Variants in TLE3 observed in about 807,000 individuals in gnomAD.
The protein encoded by TLE3 is TLE family member 3, transcriptional corepressor.
A neutral mutation model predicts 93.0 loss-of-function variants in TLE3; 14 were observed. The observed-to-expected ratio is 0.15, with a 90% confidence interval of 0.10 to 0.24. TLE3 has a LOEUF of 0.24. Among genes scored for constraint, TLE3 ranks in the 10% least tolerant of loss-of-function variants. The pLI, the probability that TLE3 is intolerant of heterozygous loss-of-function variation, is 1.00. For synonymous variants in TLE3, 451 were observed against 425.0 expected, an observed-to-expected ratio of 1.06 and a Z score of -0.75; for missense variants, 693 against 1,046.6, an observed-to-expected ratio of 0.66 and a Z score of 4.66.
At chr15:70,051,321 A>T (rs1328452604) in intron 19 of TLE3, 70 bp downstream of exon 19, 1 of 1,445,678 alleles carries the variant, frequency 6.9e-7, no homozygotes, top group African/African-American at 1.4e-5. Context: ...TGCTATCCTC[A>T]CTCCCATCAC....
At position 70,083,624 on chromosome 15, in the gene TLE3, C is replaced by T. The variant is rs557914063; in HGVS notation, c.235-7466G>A. Among the ~76,000 whole-genome samples the T allele has an allele frequency of 4.8e-3, 681 of 143,318 alleles. 6 individuals are homozygous for T. Among genetic ancestry groups the T allele is most frequent in the African/African-American group, 0.017 (649 of 39,192 alleles). 94.0% of individuals were successfully genotyped at this position (143,318 alleles called of 152,430 possible). On this transcript the variant is annotated intron_variant, in intron 4 of 19. Coordinates refer to ENST00000451782, the MANE Select transcript of TLE3 (RefSeq NM_001105192.3). ...CCAACTCCTGCCAGGAGGAAAAATT[C>T]TCAATTCATCCCTGTGGGGTTGCCA...
rs376672650 is a variant in TLE3 at position 70,074,503 on chromosome 15, G to T, written c.372+30C>A. The T allele has an allele frequency of 1.9e-6, 3 of 1,603,046 alleles. No homozygotes were observed. In the East Asian group the frequency reaches 6.8e-5, roughly 36 times the overall value. On this transcript the variant is annotated intron_variant, in intron 6 of 19. Coordinates refer to ENST00000451782, the MANE Select transcript of TLE3 (RefSeq NM_001105192.3). ...AGAGGAATAAAAGGGCTATACACAC[G>T]GTAAGAGGCAGATTGGGGAGTCCAC... is the stretch of plus-strand genomic sequence containing the variant.
At chr15:70,053,471 A>C (rs1034141055) in intron 16 of TLE3, 97 bp from the exon 17 acceptor site, 2 of 1,411,080 alleles carry the variant, frequency 1.4e-6, no homozygotes, top group Non-Finnish European at 1.9e-6. Flanking sequence ...GAGAAAACTG[A>C]GGCCCAGAAG....
chr15:70,091,265 C>T (rs1364061406), intron 4 of TLE3, among the ~76,000 whole-genome samples: 1 of 152,264 alleles, frequency 6.6e-6, no homozygotes, highest in South Asian at 2.1e-4. Context: ...TGGCTCAAGT[C>T]CACTTTCAAA....
chr15:70,067,287 C>A (rs1215164673), intron 6 of TLE3, among the ~76,000 whole-genome samples: 2 of 152,212 alleles, frequency 1.3e-5, no homozygotes, highest in African/African-American at 4.8e-5. Flanking sequence ...TGCTGGTATC[C>A]ACCTATGCAC....
At chr15:70,054,792 T>C in intron 15 of TLE3, 107 bp from the exon 16 acceptor site, 2 of 1,395,240 alleles carry the variant, frequency 1.4e-6, no homozygotes, top group Admixed American at 2.8e-5. Context: ...GCTTACAGCC[T>C]CCCCCTATAC....
intron 8 of TLE3, among the ~76,000 whole-genome samples, chr15:70,063,748 C>T (rs796687652): frequency 1.9e-4 from 29 of 152,364 alleles, no homozygotes; most frequent in African/African-American, 6.5e-4. Flanking sequence ...TGAAACAGAA[C>T]CTCGGAGCCT....
intron 13 of TLE3, 24 bp from the exon 14 acceptor site, chr15:70,056,398 C>T: frequency 6.2e-7 from 1 of 1,604,880 alleles, no homozygotes; most frequent in Non-Finnish European, 8.5e-7. Context: ...CAAGACAGCC[C>T]TCCATCAGCC....
intron 6 of TLE3, chr15:70,066,749 G>A: frequency 5.8e-6 from 1 of 171,702 alleles, no homozygotes; most frequent in South Asian, 1.0e-4. Context: ...AAAGGCCCCA[G>A]AGCCAGATGA....
At chr15:70,093,814 A>G (rs940092665) in intron 4 of TLE3, among the ~76,000 whole-genome samples, 1 of 152,158 alleles carries the variant, frequency 6.6e-6, no homozygotes, top group African/African-American at 2.4e-5. Flanking sequence ...CACTAGCTAA[A>G]CTGGTTTGAC....
chr15:70,064,507 G>A, intron 7 of TLE3, 37 bp from the exon 8 acceptor site: 1 of 1,613,742 alleles, frequency 6.2e-7, no homozygotes, highest in Admixed American at 1.7e-5. Flanking sequence ...AGGAAGGTCA[G>A]GCACCCCAAA....
intron 4 of TLE3, among the ~76,000 whole-genome samples, chr15:70,086,552 TA>T (rs1567047414): frequency 6.6e-6 from 1 of 152,128 alleles, no homozygotes; most frequent in African/African-American, 2.4e-5. Flanking sequence ...GCTAAAACAC[TA>T]GTGGGAAGAG....
At position 70,049,641 on chromosome 15, in the gene TLE3, T is replaced by C. The variant is rs1595843642; in HGVS notation, c.*456A>G. ...CTGATCAGTCCGCAATAGGAGTCTG[T>C]TATTTACATTTTTCACAAATCTTGT... On this transcript the variant is annotated 3_prime_UTR_variant, in exon 20 of 20. Transcript: ENST00000451782. 1 of 159,782 alleles carries C rather than the reference T, an allele frequency of 6.3e-6. No homozygotes were observed. The highest frequency in any genetic ancestry group is 1.8e-4 in the East Asian group (1 of 5,650). The allele number at this position is 159,782 out of a possible 1,614,324, so 9.9% of individuals were successfully genotyped here.
chr15:70,065,969 G>GGCCCCCCCC, intron 7 of TLE3, 45 bp downstream of exon 7: 1 of 1,294,406 alleles, frequency 7.7e-7, no homozygotes, highest in Non-Finnish European at 1.1e-6. Context: ...GAGCGCCCAT[G>GGCCCCCCCC]CCCACCCCTG....
chr15:70,055,888 T>A, intron 14 of TLE3: 1 of 297,556 alleles, frequency 3.4e-6, no homozygotes. Flanking sequence ...CCGGGGAGAG[T>A]GTGCCCTCCA....
chr15:70,066,627 G>A (rs1454989929), intron 6 of TLE3: 3 of 168,872 alleles, frequency 1.8e-5, no homozygotes, highest in Non-Finnish European at 3.8e-5. Context: ...CATGCCTTCA[G>A]CATTAGCTGC....
chr15:70,062,453 T>C (rs565578714), intron 8 of TLE3, among the ~76,000 whole-genome samples: 3 of 152,296 alleles, frequency 2.0e-5, no homozygotes, highest in Non-Finnish European at 4.4e-5. Context: ...AACAGCGAGC[T>C]CTTTCTTCTC....
chr15:70,063,392 C>A (rs533752972), intron 8 of TLE3, among the ~76,000 whole-genome samples: 1 of 152,272 alleles, frequency 6.6e-6, no homozygotes, highest in Non-Finnish European at 1.5e-5. Context: ...TTCCTCAGCC[C>A]AAATGTGGTC....
At chr15:70,064,156 T>G (rs2056670254) in intron 8 of TLE3, among the ~76,000 whole-genome samples, 1 of 152,198 alleles carries the variant, frequency 6.6e-6, no homozygotes, top group African/African-American at 2.4e-5. Context: ...GAGGAAGGGC[T>G]TCCACAACTG....
Sources: gnomAD v4.1 joint callset for allele counts (sites outside exome capture counted in the v4.1 genomes callset) on GRCh38, gnomAD v4.1.1 for gene constraint, MANE v1.5 for transcripts, NCBI Gene and HGNC (gene_info 2026-07-23, HGNC 2026-07-21) for gene names.